The following GAREM1 variants were observed in gnomAD, a reference collection of about 807,000 sequenced individuals.
GAREM1 encodes the protein GRB2 associated regulator of MAPK1 subtype 1.
In GAREM1, 26 loss-of-function variants were observed where a neutral mutation model predicts 71.3. The ratio of observed to expected loss-of-function variants is 0.36; its 90% CI spans 0.27 to 0.51. GAREM1 has a LOEUF of 0.51. Among genes scored for constraint, GAREM1 ranks in the 20% least tolerant of loss-of-function variants. The pLI, the probability that GAREM1 is intolerant of heterozygous loss-of-function variation, is 0.95. For synonymous variants in GAREM1, 440 were observed against 433.2 expected, an observed-to-expected ratio of 1.02 and a Z score of -0.20; for missense variants, 1,026 against 1,103.1, an observed-to-expected ratio of 0.93 and a Z score of 0.99.
At chr18:32,332,934 G>A (rs1044722439) in intron 2 of GAREM1, among the ~76,000 whole-genome samples, 2 of 152,144 alleles carry the variant, frequency 1.3e-5, no homozygotes, top group Middle Eastern at 3.4e-3. Flanking sequence ...GGATTGAAAT[G>A]ACAATGACAA....
chr18:32,370,036 G>A (rs921448134), intron 2 of GAREM1, among the ~76,000 whole-genome samples: 8 of 152,328 alleles, frequency 5.3e-5, no homozygotes, highest in South Asian at 4.1e-4. Context: ...GGTTGTACAC[G>A]AAGAAAATTA....
At position 32,392,886 on chromosome 18, in the gene GAREM1, G is replaced by A; in HGVS notation, c.262+9C>T. 1.2e-6 allele frequency: 2 copies of A among 1,611,320 alleles called. No homozygotes were observed. Among genetic ancestry groups the A allele is most frequent in the Non-Finnish European group, 1.7e-6 (2 of 1,178,214 alleles). ...CGCTGCCTCATCTTGGCCCTTGGAGGAGTCTTACCTGCATAATGTACCGGA... is the reference window on the plus strand; with the variant it reads ...CGCTGCCTCATCTTGGCCCTTGGAGAAGTCTTACCTGCATAATGTACCGGA... On this transcript the variant is annotated intron_variant, in intron 2 of 5. Transcript: ENST00000269209.
At chr18:32,344,608 G>A (rs2047676969) in intron 2 of GAREM1, among the ~76,000 whole-genome samples, 1 of 151,962 alleles carries the variant, frequency 6.6e-6, no homozygotes, top group African/African-American at 2.4e-5. Flanking sequence ...TAATATTTTG[G>A]AAATTAAATT....
At chr18:32,398,746 G>A (rs1382393252) in intron 1 of GAREM1, among the ~76,000 whole-genome samples, 1 of 152,090 alleles carries the variant, frequency 6.6e-6, no homozygotes, top group Non-Finnish European at 1.5e-5. Context: ...GTACAAGGAG[G>A]AGCTGGTACC....
intron 1 of GAREM1, among the ~76,000 whole-genome samples, chr18:32,411,672 C>G (rs2048418886): frequency 6.6e-6 from 1 of 152,010 alleles, no homozygotes; most frequent in Non-Finnish European, 1.5e-5. Context: ...TGGGTAATCC[C>G]TTTTAATGGT....
At chr18:32,329,726 G>A (rs201212741) in intron 2 of GAREM1, among the ~76,000 whole-genome samples, 44 of 113,684 alleles carry the variant, frequency 3.9e-4, no homozygotes, top group Middle Eastern at 4.2e-3. Flanking sequence ...AAAAAAAAAA[G>A]ATTGAAAAGC....
intron 2 of GAREM1, among the ~76,000 whole-genome samples, chr18:32,383,905 T>A (rs969173474): frequency 6.6e-6 from 1 of 152,040 alleles, no homozygotes; most frequent in Non-Finnish European, 1.5e-5. Context: ...AATGTGAAAA[T>A]AGCAATCAAA....
intron 4 of GAREM1, among the ~76,000 whole-genome samples, chr18:32,270,656 T>C (rs890756111): frequency 1.3e-5 from 2 of 152,022 alleles, no homozygotes; most frequent in African/African-American, 4.8e-5. Context: ...TAGAAAGTAA[T>C]ATGAAATACG....
rs141205487 is a variant in GAREM1, at chr18:32,270,426, A to G, written c.1567-43T>C. On this transcript the variant is annotated intron_variant, in intron 4 of 5. Coordinates refer to ENST00000269209, the MANE Select transcript of GAREM1 (RefSeq NM_001242409.2). Reference sequence around the variant, plus strand: ...ACTCCAGGTTAGCAACAGACTGACAATGCCACGGGGCGCCAGCTCAATCCT... The same window carrying G: ...ACTCCAGGTTAGCAACAGACTGACAGTGCCACGGGGCGCCAGCTCAATCCT... 234 of 1,546,782 alleles carry G rather than the reference A, an allele frequency of 1.5e-4. 1 individual carries two copies. In the Middle Eastern group the frequency reaches 3.9e-3, roughly 26 times the overall value.
At chr18:32,281,087 T>A (rs2046946713) in intron 4 of GAREM1, among the ~76,000 whole-genome samples, 1 of 152,232 alleles carries the variant, frequency 6.6e-6, no homozygotes, top group African/African-American at 2.4e-5. Flanking sequence ...CTTCGCACAG[T>A]ACAAAAATGC....
At chr18:32,404,774 G>A (rs1470222495) in intron 1 of GAREM1, among the ~76,000 whole-genome samples, 1 of 152,086 alleles carries the variant, frequency 6.6e-6, no homozygotes, top group African/African-American at 2.4e-5. Flanking sequence ...TCTCAGCACT[G>A]TGGTAAAGCC....
intron 2 of GAREM1, among the ~76,000 whole-genome samples, chr18:32,332,847 C>T (rs761945036): frequency 1.8e-4 from 27 of 152,240 alleles, no homozygotes; most frequent in Non-Finnish European, 3.5e-4. Context: ...GCCCCAGAAG[C>T]CTGTGTGGAC....
intron 2 of GAREM1, among the ~76,000 whole-genome samples, chr18:32,349,415 A>T (rs2047726883): frequency 6.6e-6 from 1 of 152,216 alleles, no homozygotes; most frequent in Admixed American, 6.5e-5. Context: ...CATTTATTAA[A>T]TAATTAGATA....
intron 2 of GAREM1, among the ~76,000 whole-genome samples, chr18:32,363,987 CATATATACATATATATATATAT>C (rs1187071521): frequency 1.5e-4 from 4 of 27,090 alleles, no homozygotes; most frequent in Non-Finnish European, 2.1e-4. Context: ...TACATAAATA[CATATATACATATATATATATAT>C]ATATATATAT....
rs971320594 is a variant in GAREM1, at chr18:32,266,944, T to C, written c.*927A>G. 1 of 152,190 alleles carries C rather than the reference T, an allele frequency of 6.6e-6. No homozygotes were observed. The highest frequency in any genetic ancestry group is 1.5e-5 in the Non-Finnish European group (1 of 68,036). 9.4% of individuals were successfully genotyped at this position (152,190 alleles called of 1,614,324 possible). ...CTTAAACTCAAACTTAATTCTTCAATACAGGATTCTTTACTGATTTGTTCT... is the reference window on the plus strand; with the variant it reads ...CTTAAACTCAAACTTAATTCTTCAACACAGGATTCTTTACTGATTTGTTCT... On this transcript the variant is annotated 3_prime_UTR_variant, in exon 6 of 6. Coordinates refer to ENST00000269209, the MANE Select transcript of GAREM1 (RefSeq NM_001242409.2).
chr18:32,329,737 T>TAAAAAA (rs1042819257), intron 2 of GAREM1, among the ~76,000 whole-genome samples: 2 of 126,916 alleles, frequency 1.6e-5, no homozygotes, highest in African/African-American at 3.1e-5. Context: ...ATTGAAAAGC[T>TAAAAAA]AAAAAAAAAT....
At chr18:32,375,438 C>T (rs1475624541) in intron 2 of GAREM1, among the ~76,000 whole-genome samples, 1 of 151,164 alleles carries the variant, frequency 6.6e-6, no homozygotes, top group Non-Finnish European at 1.5e-5. Context: ...TTTGGATGAC[C>T]TTCATACCTT....
intron 2 of GAREM1, among the ~76,000 whole-genome samples, chr18:32,323,415 G>A (rs2047448067): frequency 6.6e-6 from 1 of 152,224 alleles, no homozygotes; most frequent in African/African-American, 2.4e-5. Context: ...TAAGCATTAT[G>A]AGAAAGCTCA....
chr18:32,275,349 G>T (rs1480903537), intron 4 of GAREM1, among the ~76,000 whole-genome samples: 1 of 152,194 alleles, frequency 6.6e-6, no homozygotes, highest in Admixed American at 6.5e-5. Flanking sequence ...GCAACACAAG[G>T]AGAGAGGGGC....
Sources: gnomAD v4.1 joint callset for allele counts (sites outside exome capture counted in the v4.1 genomes callset) on GRCh38, gnomAD v4.1.1 for gene constraint, MANE v1.5 for transcripts, NCBI Gene and HGNC (gene_info 2026-07-23, HGNC 2026-07-21) for gene names.